CYB5R3: variants seen among roughly 807,000 people sequenced by gnomAD.
The protein encoded by CYB5R3 is cytochrome b5 reductase 3, also known as NADH-cytochrome b5 reductase 3.
Under a neutral mutation model 36.5 loss-of-function variants are expected in CYB5R3, and 28 were observed. The observed-to-expected ratio is 0.77, with a 90% CI of 0.57 to 1.05. The LOEUF is 1.05. CYB5R3 is among the 50% of genes least tolerant of loss of function. The pLI, the probability that CYB5R3 is intolerant of heterozygous loss-of-function variation, is 0.00. For missense variants in CYB5R3, 474 were observed against 408.9 expected, an observed-to-expected ratio of 1.16 and a Z score of -1.37; for synonymous variants, 181 against 159.8, an observed-to-expected ratio of 1.13 and a Z score of -1.00.
rs528554003 is a variant in CYB5R3 at position 42,631,234 on chromosome 22, G to A, written c.226+144C>T. 6.6e-5 allele frequency: 56 copies of A among 847,544 alleles called. No homozygotes were observed. In the South Asian group the frequency reaches 7.3e-4, roughly 11 times the overall value. 52.5% of individuals were successfully genotyped at this position (847,544 alleles called of 1,614,324 possible). ...TTCCCACTCTCATTCCAACAGACTC[G>A]CCCTCAAAGGCCCAGGGCAGCTGTC... is the stretch of plus-strand genomic sequence containing the variant. On this transcript the variant is annotated intron_variant, in intron 3 of 8. Transcript: ENST00000352397.
intron 1 of CYB5R3, among the ~76,000 whole-genome samples, chr22:42,642,034 A>C (rs1929302354): frequency 6.6e-6 from 1 of 152,194 alleles, no homozygotes; most frequent in Non-Finnish European, 1.5e-5. Context: ...CATACATTAG[A>C]TATATACTGT....
intron 8 of CYB5R3, among the ~76,000 whole-genome samples, chr22:42,620,925 T>A (rs1927930954): frequency 6.6e-6 from 1 of 152,216 alleles, no homozygotes. Context: ...ACTGATTCCA[T>A]TCATTTTATA....
At chr22:42,646,242 C>A (rs1454734241) in intron 1 of CYB5R3, among the ~76,000 whole-genome samples, 1 of 152,176 alleles carries the variant, frequency 6.6e-6, no homozygotes, top group Non-Finnish European at 1.5e-5. Flanking sequence ...GACCACCTCA[C>A]CCCAGCCACC....
At chr22:42,639,193 G>C (rs991829353) in intron 1 of CYB5R3, 7 of 307,140 alleles carry the variant, frequency 2.3e-5, no homozygotes, top group African/African-American at 1.4e-4. Flanking sequence ...AGCTGGGTGT[G>C]GTGGCAGGCT....
chr22:42,626,298 G>A (rs185753886), intron 7 of CYB5R3, among the ~76,000 whole-genome samples: 195 of 152,312 alleles, frequency 1.3e-3, no homozygotes, highest in African/African-American at 4.5e-3. Context: ...GGACAAGAGC[G>A]AGACTTTGTA....
chr22:42,629,005 T>C (rs1422330270), intron 4 of CYB5R3, among the ~76,000 whole-genome samples: 1 of 152,106 alleles, frequency 6.6e-6, no homozygotes, highest in African/African-American at 2.4e-5. Flanking sequence ...TCCTGGGCCC[T>C]GGGTGCCAGG....
chr22:42,634,363 AAAAC>A (rs1206390794), intron 2 of CYB5R3, among the ~76,000 whole-genome samples: 9 of 152,114 alleles, frequency 5.9e-5, no homozygotes, highest in African/African-American at 7.2e-5. Context: ...CTCCATCTCA[AAAAC>A]AAACAAACAA....
intron 1 of CYB5R3, among the ~76,000 whole-genome samples, chr22:42,641,808 C>A (rs1345841828): frequency 6.6e-6 from 1 of 151,824 alleles, no homozygotes; most frequent in East Asian, 1.9e-4. Flanking sequence ...TTTAGTAGAG[C>A]CGGGGTTTTT....
chr22:42,623,649 G>A (rs996055859), intron 8 of CYB5R3, 140 bp downstream of exon 8: 29 of 691,726 alleles, frequency 4.2e-5, no homozygotes, highest in African/African-American at 2.8e-4. Context: ...TCTGTGAGAC[G>A]GGGCCACACC....
chr22:42,641,574 C>T (rs1176088847), intron 1 of CYB5R3, among the ~76,000 whole-genome samples: 1 of 152,178 alleles, frequency 6.6e-6, no homozygotes, highest in Admixed American at 6.5e-5. Context: ...CAACCTCCAC[C>T]TCCCGGGTTC....
At chr22:42,637,743 A>G (rs761974188) in intron 1 of CYB5R3, among the ~76,000 whole-genome samples, 2 of 152,182 alleles carry the variant, frequency 1.3e-5, no homozygotes, top group Non-Finnish European at 2.9e-5. Flanking sequence ...TGTGGTAGGC[A>G]CTGTCATCAC....
intron 1 of CYB5R3, among the ~76,000 whole-genome samples, chr22:42,637,972 G>C (rs1175136589): frequency 6.6e-6 from 1 of 152,222 alleles, no homozygotes; most frequent in African/African-American, 2.4e-5. Context: ...AAGGGGGCTG[G>C]GCATAGTGGC....
Position 42,619,660 on chromosome 22 carries a change from G to A in CYB5R3, c.*113C>T. 1.9e-6 allele frequency: 2 copies of A among 1,038,632 alleles called. No individual in the cohort carries two copies. The highest frequency in any genetic ancestry group is 2.8e-6 in the Non-Finnish European group (2 of 716,046). 64.3% of individuals were successfully genotyped at this position (1,038,632 alleles called of 1,614,324 possible). A position where few individuals can be genotyped will look rare whatever the true frequency, so the allele number is the denominator to read the frequency against. ...CAGCCAGGTGATTCACCAGGGCACG[G>A]GCAGGCCAGGCTGAACCCGGGGCCC... On this transcript the variant is annotated 3_prime_UTR_variant, in exon 9 of 9. Transcript: ENST00000352397.
chr22:42,627,583 C>G (rs747382332), intron 6 of CYB5R3, 22 bp downstream of exon 6: 25 of 1,608,346 alleles, frequency 1.6e-5, no homozygotes, highest in Middle Eastern at 1.6e-4. Flanking sequence ...CGCCGGACGC[C>G]TCAGTGGGGG....
chr22:42,632,289 T>TGCG (rs1313419270), intron 2 of CYB5R3: 1 of 152,274 alleles, frequency 6.6e-6, no homozygotes, highest in Non-Finnish European at 1.5e-5. Context: ...GAAGAAGCCA[T>TGCG]GCGGAAGGTC....
rs745594580 is a variant in CYB5R3, at chr22:42,619,734, G to A, written c.*39C>T. 1 of 1,534,440 alleles carries A rather than the reference G, an allele frequency of 6.5e-7. No individual in the cohort carries two copies. The highest frequency in any genetic ancestry group is 8.8e-7 in the Non-Finnish European group (1 of 1,142,126). On this transcript the variant is annotated 3_prime_UTR_variant, in exon 9 of 9. Transcript: ENST00000352397. ...CTGGGTGAGCGTGAACAGGGCGTGGGGTGCGCGGGGCGGGTGGCCGTGTGA... is the reference window on the plus strand; with the variant it reads ...CTGGGTGAGCGTGAACAGGGCGTGGAGTGCGCGGGGCGGGTGGCCGTGTGA...
chr22:42,641,093 G>C (rs913756369), intron 1 of CYB5R3, among the ~76,000 whole-genome samples: 1 of 152,034 alleles, frequency 6.6e-6, no homozygotes. Context: ...CTGACCTGGT[G>C]ATCCTCCTGC....
chr22:42,618,405 C>T lies in CYB5R3; in HGVS notation c.*1368G>A, dbSNP rs1410672348. 2.0e-5 allele frequency: 3 copies of T among 150,044 alleles called. No individual in the cohort carries two copies. The highest frequency in any genetic ancestry group is 2.1e-4 in the South Asian group (1 of 4,776). The allele number at this position is 150,044 out of a possible 1,614,324, so 9.3% of individuals were successfully genotyped here. A position where few individuals can be genotyped will look rare whatever the true frequency, so the allele number is the denominator to read the frequency against. On this transcript the variant is annotated 3_prime_UTR_variant, in exon 9 of 9. Coordinates refer to ENST00000352397, the MANE Select transcript of CYB5R3 (RefSeq NM_000398.7). The stretch of plus-strand genomic sequence containing the variant: ...ACAAAAAATTAGCCGGGCGTAGTGG[C>T]GGGCGCCTGTAGTCCCAGCTACTTG...
In CYB5R3 at chr22:42,619,951, G is replaced by A. The variant is rs376768838; in HGVS notation, c.734-6C>T. 5.7e-6 allele frequency: 9 copies of A among 1,592,390 alleles called. No homozygotes were observed. The African/African-American group carries it at 9.4e-5, about 17-fold the overall frequency. On this transcript the variant is annotated splice_region_variant and splice_polypyrimidine_tract_variant and intron_variant, in intron 8 of 8. Coordinates refer to ENST00000352397, the MANE Select transcript of CYB5R3 (RefSeq NM_000398.7). Reference sequence around the variant, plus strand: ...GCCCTGGCCGTAGTCCCAGGCTGTGGGGTGAGAGACCAGGTAAGCTGACGT... The same window carrying A: ...GCCCTGGCCGTAGTCCCAGGCTGTGAGGTGAGAGACCAGGTAAGCTGACGT...
Sources: gnomAD v4.1 joint callset for allele counts (sites outside exome capture counted in the v4.1 genomes callset) on GRCh38, gnomAD v4.1.1 for gene constraint, MANE v1.5 for transcripts, NCBI Gene and HGNC (gene_info 2026-07-23, HGNC 2026-07-21) for gene names.